The following SLC4A5 variants were observed in gnomAD, a reference collection of about 807,000 sequenced individuals.
SLC4A5 encodes electrogenic sodium bicarbonate cotransporter 4.
In SLC4A5, 96 loss-of-function variants were observed where a neutral mutation model predicts 120.4. The observed-to-expected ratio is 0.80, with a 90% CI of 0.68 to 0.94. The LOEUF is 0.94. Ranked by LOEUF, SLC4A5 falls within the 40% of genes least tolerant of loss-of-function variation. The probability of loss-of-function intolerance (pLI) is 0.00; values close to 1 mark genes in which losing one functional copy is unlikely to be tolerated. For synonymous variants in SLC4A5, 550 were observed against 571.1 expected, an observed-to-expected ratio of 0.96 and a Z score of 0.53; for missense variants, 1,259 against 1,459.5, an observed-to-expected ratio of 0.86 and a Z score of 2.24.
intron 24 of SLC4A5, among the ~76,000 whole-genome samples, chr2:74,232,093 G>T (rs1670108171): frequency 6.6e-6 from 1 of 152,186 alleles, no homozygotes; most frequent in African/African-American, 2.4e-5. Context: ...GACTGAGCAG[G>T]ACCTGAACCC....
chr2:74,254,771 A>G, intron 13 of SLC4A5, 65 bp from the exon 14 acceptor site: 1 of 1,228,492 alleles, frequency 8.1e-7, no homozygotes. Flanking sequence ...GTGAGAAGGA[A>G]AAACAGAAGC....
intron 7 of SLC4A5, among the ~76,000 whole-genome samples, chr2:74,300,087 G>A (rs922059259): frequency 3.9e-5 from 6 of 152,210 alleles, no homozygotes; most frequent in Admixed American, 2.6e-4. Context: ...TGGAAGAACC[G>A]GGAGGGCATG....
chr2:74,224,275 A>T (rs1247948873), intron 28 of SLC4A5, among the ~76,000 whole-genome samples: 4 of 152,210 alleles, frequency 2.6e-5, no homozygotes, highest in Non-Finnish European at 5.9e-5. Flanking sequence ...AGAGGGGCAG[A>T]TGGGGCAACC....
chr2:74,260,162 T>C (rs1000591102), intron 11 of SLC4A5, among the ~76,000 whole-genome samples: 1 of 152,190 alleles, frequency 6.6e-6, no homozygotes, highest in Non-Finnish European at 1.5e-5. Context: ...TTATTTGAAC[T>C]GCCCAATAGT....
intron 22 of SLC4A5, among the ~76,000 whole-genome samples, chr2:74,233,807 T>G (rs1263531395): frequency 6.6e-6 from 1 of 152,192 alleles, no homozygotes; most frequent in Non-Finnish European, 1.5e-5. Context: ...CCCTGGGGTT[T>G]GTCAGGAAAC....
chr2:74,283,582 G>C (rs1671881047), intron 8 of SLC4A5, among the ~76,000 whole-genome samples: 1 of 152,174 alleles, frequency 6.6e-6, no homozygotes, highest in African/African-American at 2.4e-5. Context: ...GCTCTGCACA[G>C]CAACTACCCA....
intron 21 of SLC4A5, among the ~76,000 whole-genome samples, chr2:74,236,680 T>C (rs1424876423): frequency 6.6e-6 from 1 of 152,248 alleles, no homozygotes; most frequent in Non-Finnish European, 1.5e-5. Context: ...TCCTTTTCTA[T>C]AATATTCCTA....
chr2:74,310,512 A>C (rs1170744048), intron 6 of SLC4A5, among the ~76,000 whole-genome samples: 1 of 152,138 alleles, frequency 6.6e-6, no homozygotes, highest in Non-Finnish European at 1.5e-5. Flanking sequence ...TATTATGAAT[A>C]GGTGTTGGAT....
chr2:74,227,208 C>T (rs1694875834), intron 26 of SLC4A5, 78 bp from the exon 27 acceptor site: 1 of 1,468,514 alleles, frequency 6.8e-7, no homozygotes, highest in Admixed American at 2.2e-5. Flanking sequence ...GGAAGGGGTG[C>T]CTGGGTGGGG....
intron 20 of SLC4A5, among the ~76,000 whole-genome samples, chr2:74,240,769 C>CAA (rs5832130): frequency 0.019 from 2,765 of 142,182 alleles, 59 homozygotes; most frequent in African/African-American, 0.057. Context: ...GACCCCATCT[C>CAA]AAAAAAAAAA....
chr2:74,232,419 C>G, intron 24 of SLC4A5, 50 bp downstream of exon 24: 1 of 1,575,850 alleles, frequency 6.3e-7, no homozygotes. Flanking sequence ...TTCTCCTCCC[C>G]GAGTGGGCCC....
chr2:74,221,593 C>G, intron 29 of SLC4A5, 92 bp from the exon 30 acceptor site: 1 of 1,312,156 alleles, frequency 7.6e-7, no homozygotes, highest in South Asian at 1.2e-5. Context: ...TTTTCCTTCT[C>G]TAACCCTAGA....
intron 17 of SLC4A5, 81 bp downstream of exon 17, chr2:74,250,262 G>C (rs1399582946): frequency 3.4e-6 from 5 of 1,478,256 alleles, no homozygotes; most frequent in Admixed American, 2.1e-5. Flanking sequence ...CTTGGTTTTG[G>C]GATTACAGGA....
At chr2:74,248,436 G>A (rs1255155858) in exon 18 of SLC4A5, 3 of 1,614,138 alleles carry the variant, frequency 1.9e-6, no homozygotes, top group Admixed American at 1.7e-5. Context: ...CCGAGAAGAG[G>A]CAGAACAAGG....
intron 12 of SLC4A5, among the ~76,000 whole-genome samples, chr2:74,256,427 C>T (rs1299884298): frequency 6.6e-6 from 1 of 152,214 alleles, no homozygotes; most frequent in East Asian, 1.9e-4. Context: ...CTTCCTGGCT[C>T]ACAGGAATTC....
At chr2:74,227,730 A>T (rs1402581276) in intron 26 of SLC4A5, 80 bp downstream of exon 26, 12 of 1,346,410 alleles carry the variant, frequency 8.9e-6, no homozygotes, top group Non-Finnish European at 1.2e-5. Context: ...GGGACAACTG[A>T]ATTGGGGGTC....
At chr2:74,287,047 T>C (rs1672006920) in intron 7 of SLC4A5, among the ~76,000 whole-genome samples, 1 of 152,074 alleles carries the variant, frequency 6.6e-6, no homozygotes, top group South Asian at 2.1e-4. Context: ...TATTGAAATT[T>C]TCAGGAACCC....
chr2:74,287,321 G>A (rs1055555826), intron 7 of SLC4A5, among the ~76,000 whole-genome samples: 1 of 152,132 alleles, frequency 6.6e-6, no homozygotes, highest in African/African-American at 2.4e-5. Flanking sequence ...GGGATGGCTG[G>A]GGTGGGGATG....
chr2:74,280,799 C>T (rs1671788846), intron 8 of SLC4A5, among the ~76,000 whole-genome samples: 1 of 152,108 alleles, frequency 6.6e-6, no homozygotes, highest in African/African-American at 2.4e-5. Context: ...ATTCTCCTGC[C>T]TCAGCCTCCT....
Sources: gnomAD v4.1 joint callset for allele counts (sites outside exome capture counted in the v4.1 genomes callset) on GRCh38, gnomAD v4.1.1 for gene constraint, MANE v1.5 for transcripts, NCBI Gene and HGNC (gene_info 2026-07-23, HGNC 2026-07-21) for gene names.